Variants in SVEP1 observed in about 807,000 individuals in gnomAD.
SVEP1 encodes sushi, von Willebrand factor type A, EGF and pentraxin domain containing 1.
In SVEP1, 164 loss-of-function variants were observed where a neutral mutation model predicts 367.3. The ratio of observed to expected loss-of-function variants is 0.45; its 90% confidence interval spans 0.39 to 0.51. The LOEUF (loss-of-function observed/expected upper bound fraction) is 0.51, where lower values mean the gene tolerates loss of function less well. SVEP1 is among the 20% of genes least tolerant of loss of function. The pLI, the probability that SVEP1 is intolerant of heterozygous loss-of-function variation, is 0.00. For missense variants in SVEP1, 4,117 were observed against 4,425.3 expected (o/e 0.93, Z 1.98); for synonymous variants, 1,666 against 1,611.6 (o/e 1.03, Z -0.81).
intron 17 of SVEP1, among the ~76,000 whole-genome samples, chr9:110,466,422 C>T (rs1828937439): frequency 6.6e-6 from 1 of 152,130 alleles, no homozygotes; most frequent in Non-Finnish European, 1.5e-5. Context: ...AAACCCCAAA[C>T]CTAGCTAGAG....
chr9:110,539,280 G>C (rs1344638473), intron 3 of SVEP1, among the ~76,000 whole-genome samples: 1 of 152,062 alleles, frequency 6.6e-6, no homozygotes, highest in Non-Finnish European at 1.5e-5. Flanking sequence ...CATGAATAAA[G>C]ATCCAAGGAA....
At chr9:110,508,683 C>A (rs1224246429) in intron 5 of SVEP1, among the ~76,000 whole-genome samples, 5 of 144,226 alleles carry the variant, frequency 3.5e-5, no homozygotes, top group African/African-American at 1.3e-4. Flanking sequence ...ATGGCGTGAA[C>A]CCAGGAGACG....
Position 110,407,181 on chromosome 9 carries a change from G to A in SVEP1, c.8419C>T (p.Leu2807=). The A allele has an allele frequency of 1.2e-6, 2 of 1,614,008 alleles. No individual in the cohort carries two copies. Among genetic ancestry groups the A allele is most frequent in the Non-Finnish European group, 8.5e-7 (1 of 1,179,888 alleles). ...CATGTTCTCCTCTCAGTGCCATTCA[G>A]CACATATCCGGGGTCACACTCATAG... ...LYYECDPGYV[L]NGTERRTCQD... The change falls in exon 38 of 48, where the codon CTG becomes TTG. Residue 2807 remains leucine, a synonymous_variant. Coordinates refer to ENST00000374469, the MANE Select transcript of SVEP1 (RefSeq NM_153366.4).
chr9:110,400,587 G>C (rs1486741664), intron 40 of SVEP1, among the ~76,000 whole-genome samples: 3 of 152,086 alleles, frequency 2.0e-5, no homozygotes, highest in African/African-American at 7.2e-5. Context: ...GACTGGTCTT[G>C]AACTTCTGAC....
At chr9:110,496,137 C>T (rs894737466) in intron 8 of SVEP1, among the ~76,000 whole-genome samples, 3 of 152,138 alleles carry the variant, frequency 2.0e-5, no homozygotes, top group Non-Finnish European at 2.9e-5. Flanking sequence ...TGTCAGATGC[C>T]GCATTCACAT....
Position 110,411,392 on chromosome 9 carries a change from C to G in SVEP1, c.6319G>C (p.Val2107Leu), listed in dbSNP as rs1417203969. 6.2e-7 allele frequency: 1 copy of G among 1,614,022 alleles called. No homozygotes were observed. The highest frequency in any genetic ancestry group is 8.5e-7 in the Non-Finnish European group (1 of 1,179,900). The change falls in exon 37 of 48, where the codon GTT (valine) becomes CTT (leucine). Residue 2107 changes from valine (V) to leucine (L), a missense_variant. Physicochemically the swap from Val to Leu is conservative, Grantham distance 32 (BLOSUM62 1). Coordinates refer to ENST00000374469, the MANE Select transcript of SVEP1 (RefSeq NM_153366.4). ...CCTTCCATGCATTTAAAGCTCACAA[C>G]TGAGCCAGCTGCAAATTTTGCTTTG... ...VSKAKFAAGS[V>L]VSFKCMEGFV...
rs549575466 is a variant in SVEP1 at position 110,562,462 on chromosome 9, C to T, written c.532-12358G>A. Among the ~76,000 whole-genome samples the T allele has an allele frequency of 7.2e-5, 11 of 152,192 alleles. No homozygotes were observed. The East Asian group carries it at 2.1e-3, about 29-fold the overall frequency. The stretch of plus-strand genomic sequence containing the variant: ...AGATATTAGAGAAATTATTCACATG[C>T]TAATGTCAAGAGGTCAAAGGAGAAA... On this transcript the variant is annotated intron_variant, in intron 1 of 47. Coordinates refer to ENST00000374469, the MANE Select transcript of SVEP1 (RefSeq NM_153366.4).
intron 9 of SVEP1, among the ~76,000 whole-genome samples, chr9:110,484,014 AC>A (rs1365122745): frequency 1.3e-5 from 2 of 152,176 alleles, no homozygotes; most frequent in Non-Finnish European, 2.9e-5. Context: ...CGTTGAGCTG[AC>A]CCAACTGGAA....
At position 110,511,505 on chromosome 9, in the gene SVEP1, T is replaced by A. The variant is rs1392119345; in HGVS notation, c.1303+1421A>T. On this transcript the variant is annotated intron_variant, in intron 5 of 47. Transcript: ENST00000374469. The stretch of plus-strand genomic sequence containing the variant: ...GTCAGTACCTTTTTTTTTTTTTTTT[T>A]TTTTTTTTTTTTTTTTTTTTTACTT... Among the ~76,000 whole-genome samples the A allele has an allele frequency of 6.3e-4, 43 of 68,690 alleles. 2 individuals are homozygous for A. The highest frequency in any genetic ancestry group is 0.016 in the Middle Eastern group (1 of 64). 45.1% of individuals were successfully genotyped at this position (68,690 alleles called of 152,430 possible).
intron 24 of SVEP1, among the ~76,000 whole-genome samples, chr9:110,448,654 C>A (rs1264644530): frequency 6.6e-6 from 1 of 152,176 alleles, no homozygotes; most frequent in Admixed American, 6.5e-5. Context: ...GAATTGGGAG[C>A]GTGTACCTTC....
chr9:110,407,333 A>T lies in SVEP1; in HGVS notation c.8267T>A (p.Leu2756His). The T allele has an allele frequency of 1.2e-6, 2 of 1,613,986 alleles. No individual in the cohort carries two copies. The highest frequency in any genetic ancestry group is 2.7e-5 in the African/African-American group (2 of 75,052). Residue 2756 changes from leucine to histidine, a missense_variant, in exon 38 of 48, where the codon CTT becomes CAT. Transcript: ENST00000374469. ...ACTCCACTTTCTATTCTCTAGACAAAGCCTTAAGTCAGAGCCTGCTAGAAT... is the reference window on the plus strand; with the variant it reads ...ACTCCACTTTCTATTCTCTAGACAATGCCTTAAGTCAGAGCCTGCTAGAAT... The part of the protein sequence containing the change: ...GHILAGSDLR[L>H]CLENRKWSGA...
At chr9:110,395,734 C>T (rs1827748189) in intron 40 of SVEP1, among the ~76,000 whole-genome samples, 1 of 150,738 alleles carries the variant, frequency 6.6e-6, no homozygotes, top group Admixed American at 6.6e-5. Context: ...TTTAAACCAA[C>T]AAAGATCAAA....
chr9:110,491,831 A>G (rs1829371215), intron 8 of SVEP1, among the ~76,000 whole-genome samples: 1 of 152,104 alleles, frequency 6.6e-6, no homozygotes, highest in Non-Finnish European at 1.5e-5. Flanking sequence ...ATGGAATAAG[A>G]AAAATGTTCT....
Position 110,458,543 on chromosome 9 carries a change from T to G in SVEP1, c.3504A>C (p.Ser1168=). 6.2e-7 allele frequency: 1 copy of G among 1,611,460 alleles called. No homozygotes were observed. The highest frequency in any genetic ancestry group is 8.5e-7 in the Non-Finnish European group (1 of 1,178,944). The stretch of plus-strand genomic sequence containing the variant: ...GGGGCACCACACTTTCCTCTGCCGC[T>G]GAGAAAGTTGAACTAAAACCTAATC... The part of the protein sequence containing the change: ...TECSSFSSTF[S]AAEESVVPPA... The change falls in exon 20 of 48, where the codon TCA becomes TCC. Residue 1168 remains serine, a synonymous_variant. Coordinates refer to ENST00000374469, the MANE Select transcript of SVEP1 (RefSeq NM_153366.4).
intron 36 of SVEP1, 63 bp downstream of exon 36, chr9:110,427,528 T>C: frequency 6.5e-7 from 1 of 1,547,534 alleles, no homozygotes; most frequent in Non-Finnish European, 8.7e-7. Flanking sequence ...AGCCCATCTC[T>C]GCAGTCAGGA....
At chr9:110,386,630 C>A (rs976798683) in intron 42 of SVEP1, among the ~76,000 whole-genome samples, 3 of 152,070 alleles carry the variant, frequency 2.0e-5, no homozygotes, top group African/African-American at 7.3e-5. Flanking sequence ...AAGATGGATT[C>A]ATTGTTATAG....
chr9:110,374,876 G>A lies in SVEP1; in HGVS notation c.10600+492C>T, dbSNP rs575762654. ...CATTCTACCATAAAGACACATGCTC[G>A]TGTATGTTCATTTCAGCACTATGCA... On this transcript the variant is annotated intron_variant, in intron 46 of 47. Transcript: ENST00000374469. 4.6e-5 allele frequency among the ~76,000 whole-genome samples: 7 copies of A among 152,092 alleles called. No homozygotes were observed. In the South Asian group the frequency reaches 1.2e-3, roughly 27 times the overall value.
At chr9:110,444,737 T>C (rs1306865788) in intron 26 of SVEP1, among the ~76,000 whole-genome samples, 1 of 151,084 alleles carries the variant, frequency 6.6e-6, no homozygotes, top group Non-Finnish European at 1.5e-5. Context: ...TCAGATCCTG[T>C]TTACAGAGGT....
rs2118834552 is a variant in SVEP1 at position 110,541,222 on chromosome 9, C to G, written c.964+4893G>C. ...AATATAACTCATCTCAGCATCTGTC[C>G]TTATCCTAATCAAGGTAAACAACCT... On this transcript the variant is annotated intron_variant, in intron 3 of 47. Coordinates refer to ENST00000374469, the MANE Select transcript of SVEP1 (RefSeq NM_153366.4). Among the ~76,000 whole-genome samples, 3 of 152,098 alleles carry G rather than the reference C, an allele frequency of 2.0e-5. No homozygotes were observed. The South Asian group carries it at 6.2e-4, about 32-fold the overall frequency.
Sources: gnomAD v4.1 joint callset for allele counts (sites outside exome capture counted in the v4.1 genomes callset) on GRCh38, gnomAD v4.1.1 for gene constraint, MANE v1.5 for transcripts, NCBI Gene and HGNC (gene_info 2026-07-23, HGNC 2026-07-21) for gene names.